Variants in ROBO2 observed in about 807,000 individuals in gnomAD.
ROBO2 encodes roundabout guidance receptor 2.
In ROBO2, 53 loss-of-function variants were observed where a neutral mutation model predicts 160.8. The observed-to-expected ratio is 0.33, with a 90% CI of 0.26 to 0.41. ROBO2 has a LOEUF of 0.41. ROBO2 is among the 10% of genes least tolerant of loss of function. The pLI is 1.00. For synonymous variants in ROBO2, 664 were observed against 611.7 expected (o/e 1.09, Z -1.26); for missense variants, 1,577 against 1,722.4 (o/e 0.92, Z 1.49).
rs540238695 is a variant in ROBO2 at position 77,206,584 on chromosome 3, G to A, written c.388+108244G>A. Among the ~76,000 whole-genome samples, 43 of 152,236 alleles carry A rather than the reference G, an allele frequency of 2.8e-4. No individual in the cohort carries two copies. In the South Asian group the frequency reaches 5.8e-3, roughly 21 times the overall value. On this transcript the variant is annotated intron_variant, in intron 2 of 25. Transcript: ENST00000461745. The stretch of plus-strand genomic sequence containing the variant: ...TATACCGAACGTGGTCACATTTATA[G>A]GTACTGGGATTTAGAATTTCAATAT...
rs1360637858 is a variant in ROBO2, at chr3:76,185,301, T to C, written c.109+247699T>C. Among the ~76,000 whole-genome samples, 7 of 149,920 alleles carry C rather than the reference T, an allele frequency of 4.7e-5. No homozygotes were observed. In the Admixed American group the frequency reaches 4.7e-4, roughly 10 times the overall value. On this transcript the variant is annotated intron_variant, in intron 2 of 26. Transcript: ENST00000487694. Reference sequence around the variant, plus strand: ...CTTGGTAAACATTATTTACTGTTTTTATAAAGAAACCAATCTATTATCATT... The same window carrying C: ...CTTGGTAAACATTATTTACTGTTTTCATAAAGAAACCAATCTATTATCATT...
chr3:76,156,742 C>A (rs2072424212), intron 2 of ROBO2, among the ~76,000 whole-genome samples: 1 of 152,258 alleles, frequency 6.6e-6, no homozygotes, highest in Non-Finnish European at 1.5e-5. Flanking sequence ...CCAAGGTGGG[C>A]GGATCACCTG....
At chr3:75,933,194 A>G (rs1947622105) in intron 1 of ROBO2, among the ~76,000 whole-genome samples, 1 of 152,162 alleles carries the variant, frequency 6.6e-6, no homozygotes, top group South Asian at 2.1e-4. Context: ...TTTTCCATTG[A>G]AAAAAATCAA....
intron 2 of ROBO2, among the ~76,000 whole-genome samples, chr3:76,559,640 T>C (rs2084034392): frequency 6.6e-6 from 1 of 152,078 alleles, no homozygotes. Context: ...GCAATATAAG[T>C]AGATACTATA....
At chr3:77,455,299 A>G (rs574520102) in intron 2 of ROBO2, among the ~76,000 whole-genome samples, 1 of 152,326 alleles carries the variant, frequency 6.6e-6, no homozygotes, top group South Asian at 2.1e-4. Context: ...TTTACGAAAA[A>G]CTTTTAAGTT....
chr3:76,279,164 CGAGA>C (rs1257518493), intron 2 of ROBO2, among the ~76,000 whole-genome samples: 1 of 150,272 alleles, frequency 6.7e-6, no homozygotes, highest in Non-Finnish European at 1.5e-5. Flanking sequence ...GGTGTGTGTA[CGAGA>C]GAGAGAGAAT....
rs533754826 is a variant in ROBO2, at chr3:76,973,320, C to T, written c.110-124694C>T. Among the ~76,000 whole-genome samples the T allele has an allele frequency of 3.8e-3, 573 of 152,240 alleles. 2 individuals are homozygous for T. Among genetic ancestry groups the T allele is most frequent in the Non-Finnish European group, 6.3e-3 (430 of 68,010 alleles). ...AGTCCACTGAAAATTATCACTTTAC[C>T]TATTTCTTACTTCAGGTTATTATAT... is the stretch of plus-strand genomic sequence containing the variant. On this transcript the variant is annotated intron_variant, in intron 2 of 26. Coordinates refer to the ROBO2 transcript ENST00000487694.
At chr3:76,231,372 C>T (rs1704612784) in intron 2 of ROBO2, among the ~76,000 whole-genome samples, 1 of 152,142 alleles carries the variant, frequency 6.6e-6, no homozygotes, top group African/African-American at 2.4e-5. Context: ...GTTTTATGTC[C>T]ATTCCTTCTC....
In ROBO2 at chr3:76,539,914, T is replaced by C. The variant is rs549106515; in HGVS notation, c.110-558100T>C. On this transcript the variant is annotated intron_variant, in intron 2 of 26. Transcript: ENST00000487694. ...TGTCCAGCTGTAATGAAATGCATTA[T>C]GAAAAATTAAATATACCTGAGGAAA... Among the ~76,000 whole-genome samples the C allele has an allele frequency of 4.1e-4, 62 of 152,298 alleles. 2 individuals carry two copies. In the South Asian group the frequency reaches 0.012, roughly 29 times the overall value.
chr3:76,503,927 T>C (rs1231455911), intron 2 of ROBO2, among the ~76,000 whole-genome samples: 2 of 152,344 alleles, frequency 1.3e-5, no homozygotes, highest in Admixed American at 6.5e-5. Flanking sequence ...TTTTCATTAC[T>C]CTTTTCTTTC....
At chr3:76,481,401 G>A (rs1335943496) in intron 2 of ROBO2, among the ~76,000 whole-genome samples, 4 of 152,174 alleles carry the variant, frequency 2.6e-5, no homozygotes. Flanking sequence ...GTGTTGGAAG[G>A]TTAGGGTAGC....
chr3:77,555,932 T>A (rs1301610474), intron 8 of ROBO2, among the ~76,000 whole-genome samples: 1 of 151,720 alleles, frequency 6.6e-6, no homozygotes, highest in East Asian at 1.9e-4. Context: ...ATTCAAAAGG[T>A]GATGAGCTAC....
intron 1 of ROBO2, among the ~76,000 whole-genome samples, chr3:77,041,677 T>C (rs2064116212): frequency 1.3e-5 from 2 of 152,334 alleles, no homozygotes; most frequent in African/African-American, 4.8e-5. Flanking sequence ...AGAGTGGAAA[T>C]AATCATTAAC....
chr3:76,251,604 A>G (rs918775120), intron 2 of ROBO2, among the ~76,000 whole-genome samples: 1 of 152,122 alleles, frequency 6.6e-6, no homozygotes, highest in Non-Finnish European at 1.5e-5. Context: ...TTTAGCATCA[A>G]CTATAGGAAA....
chr3:76,980,244 C>T (rs72631214), intron 2 of ROBO2, among the ~76,000 whole-genome samples: 28,905 of 152,134 alleles, frequency 0.19, 3,434 homozygotes, highest in Non-Finnish European at 0.26. Flanking sequence ...CGGCCATTGG[C>T]GGTTAAACCA....
chr3:77,574,581 A>T (rs1436124860), exon 14 of ROBO2: 1 of 1,613,384 alleles, frequency 6.2e-7, no homozygotes, highest in African/African-American at 1.3e-5. Flanking sequence ...TCTTCGTGGC[A>T]GAATTTAGAT....
chr3:75,914,134 T>G (rs779825513), intron 1 of ROBO2, among the ~76,000 whole-genome samples: 2 of 152,210 alleles, frequency 1.3e-5, no homozygotes, highest in Admixed American at 6.5e-5. Flanking sequence ...AAAATTATAT[T>G]GTAAATGGAT....
intron 2 of ROBO2, among the ~76,000 whole-genome samples, chr3:76,922,330 G>A (rs1437062677): frequency 6.6e-6 from 1 of 152,136 alleles, no homozygotes; most frequent in Non-Finnish European, 1.5e-5. Flanking sequence ...AATGCCTAAT[G>A]TACAAGTTAT....
intron 2 of ROBO2, among the ~76,000 whole-genome samples, chr3:76,986,498 T>C (rs1482203255): frequency 6.6e-6 from 1 of 152,096 alleles, no homozygotes; most frequent in Non-Finnish European, 1.5e-5. Flanking sequence ...AAGAACATAC[T>C]AATGTTCTAT....
Sources: allele counts gnomAD v4.1 joint callset (sites outside exome capture counted in the v4.1 genomes callset), GRCh38; gene constraint gnomAD v4.1.1; transcripts MANE v1.5; gene names NCBI Gene and HGNC (gene_info 2026-07-23, HGNC 2026-07-21).